Variants in F8 observed in about 807,000 individuals in gnomAD.
F8 encodes the protein antihemophilic factor.
Under a neutral mutation model 140.6 loss-of-function variants are expected in F8, and 12 were observed. That is an observed-to-expected ratio of 0.09 (90% CI 0.05 to 0.14). The LOEUF is 0.14. Among genes scored for constraint, F8 ranks in the 10% least tolerant of loss-of-function variants. The probability of loss-of-function intolerance (pLI) is 1.00; values close to 1 mark genes in which losing one functional copy is unlikely to be tolerated. For synonymous variants in F8, 585 were observed against 614.6 expected (o/e 0.95, Z 0.71); for missense variants, 1,354 against 1,720.7 (o/e 0.79, Z 3.77).
chrX:154,999,694 C>T, intron 1 of F8, 94 bp from the exon 2 acceptor site: 1 of 1,046,229 alleles, frequency 9.6e-7, no homozygotes, highest in South Asian at 1.9e-5. Context: ...CTACTATTAG[C>T]AAGGAGGCAA....
At chrX:154,950,623 G>A (rs2073332579) in intron 12 of F8, among the ~76,000 whole-genome samples, 1 of 111,755 alleles carries the variant, frequency 8.9e-6, no homozygotes, top group African/African-American at 3.3e-5. Flanking sequence ...TGTATATATT[G>A]GAATGGGTAA....
At position 154,899,846 on chromosome X, in the gene F8, C is replaced by G; in HGVS notation, c.6273+20G>C. The G allele has an allele frequency of 8.5e-7, 1 of 1,173,944 alleles. No homozygotes were observed. Among genetic ancestry groups the G allele is most frequent in the Non-Finnish European group, 1.2e-6 (1 of 861,215 alleles). ...TGATTGAATGTGATACATTTCCCAT[C>G]ATTGATTACATTTTCTAACCTTGAT... On this transcript the variant is annotated intron_variant, in intron 21 of 25. Transcript: ENST00000360256.
chrX:154,962,887 C>CG (rs2073403060), intron 9 of F8, among the ~76,000 whole-genome samples: 1 of 95,065 alleles, frequency 1.1e-5, no homozygotes, highest in African/African-American at 4.5e-5. Context: ...GAGAGAGAGA[C>CG]AGAGACGAGA....
Position 154,930,007 on chromosome X carries a change from C to T in F8, c.3783G>A (p.Gly1261=), listed in dbSNP as rs782745368. The T allele has an allele frequency of 8.3e-7, 1 of 1,209,591 alleles. No individual in the cohort carries two copies. The highest frequency in any genetic ancestry group is 1.1e-6 in the Non-Finnish European group (1 of 894,127). The change falls in exon 14 of 26, where the codon GGG becomes GGA. Residue 1261 remains glycine (G), a synonymous_variant. Transcript: ENST00000360256. ...TRQNVEGSYD[G]AYAPVLQDFR... is the part of the protein sequence containing the mutation. ...AATCTTGAAGTACTGGAGCATATGC[C>T]CCGTCATATGAACCTTCTACATTTT... is the stretch of plus-strand genomic sequence containing the variant.
chrX:154,936,592 T>C (rs1332373423), intron 13 of F8, among the ~76,000 whole-genome samples: 1 of 112,019 alleles, frequency 8.9e-6, no homozygotes, highest in African/African-American at 3.2e-5. Flanking sequence ...TTTTGAAACA[T>C]TCTTACTAAC....
intron 22 of F8, chrX:154,887,291 A>ACGGGCAGGAGAGCAG (rs1557274744): frequency 1.2e-6 from 1 of 869,174 alleles, no homozygotes; most frequent in Non-Finnish European, 1.5e-6. Context: ...TTTGACAGCC[A>ACGGGCAGGAGAGCAG]CGGGCAGGAG....
intron 3 of F8, 138 bp downstream of exon 3, chrX:154,996,835 T>C: frequency 1.4e-6 from 1 of 712,668 alleles, no homozygotes; most frequent in Non-Finnish European, 2.2e-6. Context: ...GAGATATTTA[T>C]AATCTAGTAA....
intron 13 of F8, among the ~76,000 whole-genome samples, chrX:154,938,548 C>A (rs2073236352): frequency 9.0e-6 from 1 of 110,907 alleles, no homozygotes; most frequent in African/African-American, 3.3e-5. Flanking sequence ...TTAGGATAGG[C>A]AAAAATTTCT....
intron 11 of F8, among the ~76,000 whole-genome samples, chrX:154,955,116 G>GAAATATTTTA (rs1557281062): frequency 1.1e-5 from 1 of 91,408 alleles, no homozygotes; most frequent in African/African-American, 4.0e-5. Context: ...GCCATATTTT[G>GAAATATTTTA]AAATATTTTA....
rs782641941 is a variant in F8 at position 154,863,152 on chromosome X, G to A, written c.6505C>T (p.Arg2169Cys). The change falls in exon 23 of 26, where the codon CGT (arginine) becomes TGT (cysteine). Residue 2169 changes from arginine (R) to cysteine (C), a missense_variant. Transcript: ENST00000360256. ...ATGCTATAATGAGTTGGGTGCAAAC[G>A]GATGTATCGAGCAATAATTGGAGGG... Reference protein sequence around the residue: ...FNPPIIARYIRLHPTHYSIRS... With the variant: ...FNPPIIARYICLHPTHYSIRS... The A allele has an allele frequency of 1.7e-6, 2 of 1,208,914 alleles. No individual in the cohort carries two copies. The highest frequency in any genetic ancestry group is 1.8e-5 in the South Asian group (1 of 56,945).
chrX:154,953,192 C>CA (rs1369730796), intron 12 of F8, among the ~76,000 whole-genome samples: 1 of 111,849 alleles, frequency 8.9e-6, no homozygotes, highest in Non-Finnish European at 1.9e-5. Context: ...TGTGTTCCCC[C>CA]ATCCCAAATT....
chrX:154,862,642 T>C (rs1210383840), intron 23 of F8, among the ~76,000 whole-genome samples: 1 of 111,700 alleles, frequency 9.0e-6, no homozygotes, highest in Non-Finnish European at 1.9e-5. Context: ...TGATATTTGG[T>C]TTTCTGTTCC....
At chrX:154,978,518 T>C (rs2073499893) in intron 6 of F8, among the ~76,000 whole-genome samples, 1 of 112,139 alleles carries the variant, frequency 8.9e-6, no homozygotes, top group African/African-American at 3.2e-5. Context: ...AATTAAGTTA[T>C]TATTAACTAT....
chrX:154,978,920 G>C (rs1557283262), intron 6 of F8, among the ~76,000 whole-genome samples: 1 of 111,241 alleles, frequency 9.0e-6, no homozygotes, highest in African/African-American at 3.3e-5. Flanking sequence ...CTGTGGTGAA[G>C]TTTTTCTGAG....
At chrX:154,868,942 GA>G (rs2072751732) in intron 22 of F8, among the ~76,000 whole-genome samples, 1 of 110,617 alleles carries the variant, frequency 9.0e-6, no homozygotes, top group African/African-American at 3.3e-5. Context: ...AAGACCAAAA[GA>G]GACAAAGAAG....
chrX:154,938,686 C>T (rs960724534), intron 13 of F8, among the ~76,000 whole-genome samples: 1 of 110,687 alleles, frequency 9.0e-6, no homozygotes, highest in Non-Finnish European at 1.9e-5. Context: ...TGGGAGAAAA[C>T]ATTCACAATA....
chrX:154,944,602 G>A (rs1557280143), intron 13 of F8, among the ~76,000 whole-genome samples: 2 of 111,036 alleles, frequency 1.8e-5, no homozygotes, highest in African/African-American at 6.6e-5. Flanking sequence ...CATTGTGGAA[G>A]TCAGTGTGGC....
chrX:154,995,208 C>T (rs1206026427), intron 3 of F8, among the ~76,000 whole-genome samples: 1 of 111,600 alleles, frequency 9.0e-6, no homozygotes, highest in Non-Finnish European at 1.9e-5. Flanking sequence ...TACCCTTTTT[C>T]CCAAGGCTCA....
At chrX:154,973,965 ATGTGTGTGTGTG>A (rs782207804) in intron 6 of F8, among the ~76,000 whole-genome samples, 1 of 103,415 alleles carries the variant, frequency 9.7e-6, no homozygotes, top group Non-Finnish European at 2.0e-5. Flanking sequence ...TCTGGCTAGC[ATGTGTGTGTGTG>A]TGTGTGTGTG....
Sources: gnomAD v4.1 joint callset for allele counts (sites outside exome capture counted in the v4.1 genomes callset) on GRCh38, gnomAD v4.1.1 for gene constraint, MANE v1.5 for transcripts, NCBI Gene and HGNC (gene_info 2026-07-23, HGNC 2026-07-21) for gene names.